Variants in DICER1 observed in about 807,000 individuals in gnomAD.
DICER1 encodes dicer 1, ribonuclease III.
DICER1 carries 43 observed loss-of-function variants against 194.1 expected under a neutral mutation model. The ratio of observed to expected loss-of-function variants is 0.22; its 90% CI spans 0.17 to 0.29. DICER1 has a LOEUF of 0.29. Among genes scored for constraint, DICER1 ranks in the 10% least tolerant of loss-of-function variants. The pLI is 1.00. For synonymous variants in DICER1, 832 were observed against 820.5 expected, an observed-to-expected ratio of 1.01 and a Z score of -0.24; for missense variants, 1,608 against 2,317.0, an observed-to-expected ratio of 0.69 and a Z score of 6.28.
chr14:95,110,492 CAT>C (rs1468557742), intron 14 of DICER1, among the ~76,000 whole-genome samples: 2 of 152,174 alleles, frequency 1.3e-5, no homozygotes, highest in African/African-American at 4.8e-5. Flanking sequence ...GCCAACCCCA[CAT>C]AGAGACAGTG....
rs1060503649 is a variant in DICER1 at position 95,107,674 on chromosome 14, T to C, written c.2738A>G (p.Lys913Arg). The C allele has an allele frequency of 6.2e-7, 1 of 1,613,418 alleles. No homozygotes were observed. Reference protein sequence around the residue: ...SEARIGIPSTKYTKETPFVFK... With the variant: ...SEARIGIPSTRYTKETPFVFK... Reference sequence around the variant, plus strand: ...AACAAAGGGTGTTTCTTTTGTATACTTTGTACTGGGAATGCCTATGCGAGC... The same window carrying C: ...AACAAAGGGTGTTTCTTTTGTATACCTTGTACTGGGAATGCCTATGCGAGC... Residue 913 changes from lysine to arginine, a missense_variant, in exon 17 of 27, where the codon AAG becomes AGG. By Grantham distance (26) the Lys-to-Arg change is conservative. Transcript: ENST00000343455.
chr14:95,150,484 T>C (rs1037423383), intron 1 of DICER1, among the ~76,000 whole-genome samples: 1 of 152,162 alleles, frequency 6.6e-6, no homozygotes, highest in Non-Finnish European at 1.5e-5. Context: ...AGACTCAGCA[T>C]TAACAACAAC....
intron 8 of DICER1, among the ~76,000 whole-genome samples, chr14:95,120,336 C>T (rs1049937583): frequency 1.3e-5 from 2 of 152,200 alleles, no homozygotes; most frequent in African/African-American, 4.8e-5. Context: ...GAATTAGCAT[C>T]TACTGTGTGC....
chr14:95,097,302 C>CA (rs898177797), intron 22 of DICER1, among the ~76,000 whole-genome samples: 1 of 151,978 alleles, frequency 6.6e-6, no homozygotes, highest in African/African-American at 2.4e-5. Flanking sequence ...ATACTTGCCA[C>CA]AAAAAAACTA....
chr14:95,132,255 T>C (rs189149089), intron 3 of DICER1, among the ~76,000 whole-genome samples: 61 of 152,284 alleles, frequency 4.0e-4, no homozygotes, highest in African/African-American at 1.4e-3. Context: ...TGTAACAACT[T>C]AGATTATGTT....
In DICER1 at chr14:95,130,120, G is replaced by C; in HGVS notation, c.511C>G (p.Leu171Val). 6.2e-7 allele frequency: 1 copy of C among 1,613,374 alleles called. No homozygotes were observed. Among genetic ancestry groups the C allele is most frequent in the Non-Finnish European group, 8.5e-7 (1 of 1,179,612 alleles). ...NGYLSLSDIN[L>V]LVFDECHLAI... ...AGATGACACTCATCAAACACCAAAA[G>C]GTTAATGTCTGACAGTGATAAGTAA... Residue 171 changes from leucine (L) to valine (V), a missense_variant, in exon 5 of 27, where the codon CTT becomes GTT. This residue lies in a region of DICER1 where 657 missense variants were observed against 910.1 expected (regional missense o/e 0.72). Transcript: ENST00000343455.
chr14:95,090,444 TTTCCCC>T lies in DICER1; in HGVS notation c.*48_*53del. 2.5e-6 allele frequency: 4 copies of T among 1,589,722 alleles called. No individual in the cohort carries two copies. The highest frequency in any genetic ancestry group is 3.4e-6 in the Non-Finnish European group (4 of 1,159,758). On this transcript the variant is annotated 3_prime_UTR_variant, in exon 27 of 27. Coordinates refer to ENST00000343455, the MANE Select transcript of DICER1 (RefSeq NM_177438.3). ...AGTCTTCCTTTCCGATTTAAATAAT[TTTCCCC>T]TTAATTTTTTTTGTTTTGTTTCTTG...
In DICER1 at chr14:95,086,234, G is replaced by C. The variant is rs1486182632; in HGVS notation, c.*4264C>G. On this transcript the variant is annotated 3_prime_UTR_variant, in exon 27 of 27. Coordinates refer to ENST00000343455, the MANE Select transcript of DICER1 (RefSeq NM_177438.3). Reference sequence around the variant, plus strand: ...AAGATGAAAGGACACAAAGTGAACAGACGATAACTTTATTGGAGATTTACT... The same window carrying C: ...AAGATGAAAGGACACAAAGTGAACACACGATAACTTTATTGGAGATTTACT... 2 of 231,762 alleles carry C rather than the reference G, an allele frequency of 8.6e-6. No individual in the cohort carries two copies. Among genetic ancestry groups the C allele is most frequent in the African/African-American group, 4.4e-5 (2 of 45,234 alleles). 14.4% of individuals were successfully genotyped at this position (231,762 alleles called of 1,614,324 possible). A position where few individuals can be genotyped will look rare whatever the true frequency, so the allele number is the denominator to read the frequency against.
rs1379252410 is a variant in DICER1, at chr14:95,088,258, T to C, written c.*2240A>G. On this transcript the variant is annotated 3_prime_UTR_variant, in exon 27 of 27. Transcript: ENST00000343455. ...CATCTTAGTATTAACAAAAAAATAC[T>C]CTTCTTAAGGTTACAAATATATTGA... 4.3e-6 allele frequency: 1 copy of C among 232,166 alleles called. No homozygotes were observed. Among genetic ancestry groups the C allele is most frequent in the South Asian group, 1.8e-4 (1 of 5,512 alleles). 14.4% of individuals were successfully genotyped at this position (232,166 alleles called of 1,614,324 possible).
chr14:95,123,505 C>G lies in DICER1; in HGVS notation c.1376+691G>C, dbSNP rs537387505. Among the ~76,000 whole-genome samples, 229 of 152,350 alleles carry G rather than the reference C, an allele frequency of 1.5e-3. 1 individual carries two copies. The highest frequency in any genetic ancestry group is 5.3e-3 in the African/African-American group (221 of 41,584). Reference sequence around the variant, plus strand: ...TGGTGCCATCTCAGCTCACTGCAACCTCTGCCTCCCAGGCTCAACTCATCT... The same window carrying G: ...TGGTGCCATCTCAGCTCACTGCAACGTCTGCCTCCCAGGCTCAACTCATCT... On this transcript the variant is annotated intron_variant, in intron 8 of 26. Transcript: ENST00000343455.
chr14:95,088,164 A>C lies in DICER1; in HGVS notation c.*2334T>G. 1 of 232,874 alleles carries C rather than the reference A, an allele frequency of 4.3e-6. No individual in the cohort carries two copies. Among genetic ancestry groups the C allele is most frequent in the Non-Finnish European group, 8.5e-6 (1 of 117,566 alleles). 14.4% of individuals were successfully genotyped at this position (232,874 alleles called of 1,614,324 possible). On this transcript the variant is annotated 3_prime_UTR_variant, in exon 27 of 27. Coordinates refer to ENST00000343455, the MANE Select transcript of DICER1 (RefSeq NM_177438.3). ...AAACGGCTGAAGTTTGCTGTTGATA[A>C]AACATTTGAATGGTAGAAGGAAATT...
intron 14 of DICER1, among the ~76,000 whole-genome samples, chr14:95,109,238 T>G (rs1891736867): frequency 6.6e-6 from 1 of 152,212 alleles, no homozygotes; most frequent in Non-Finnish European, 1.5e-5. Context: ...ATTAACACAA[T>G]CCTTCAGATT....
rs1060504978 is a variant in DICER1, at chr14:95,096,593, G to A, written c.4327C>T (p.Leu1443=). Residue 1443 remains leucine, a synonymous_variant, in exon 23 of 27, where the codon CTG becomes TTG. Transcript: ENST00000343455. Reference sequence around the variant, plus strand: ...CTGATATGTTCCTGATCATACTCCAGGAAATCATCTTCATAGTCAGCCTCT... The same window carrying A: ...CTGATATGTTCCTGATCATACTCCAAGAAATCATCTTCATAGTCAGCCTCT... ...KEEADYEDDF[L]EYDQEHIRFI... 2.5e-6 allele frequency: 4 copies of A among 1,611,780 alleles called. No individual in the cohort carries two copies. The highest frequency in any genetic ancestry group is 2.5e-6 in the Non-Finnish European group (3 of 1,178,598).
intron 8 of DICER1, among the ~76,000 whole-genome samples, chr14:95,123,205 G>T (rs1893096519): frequency 6.6e-6 from 1 of 152,126 alleles, no homozygotes; most frequent in South Asian, 2.1e-4. Context: ...CTGAAGTATA[G>T]CTCCCTGGCT....
Position 95,103,730 on chromosome 14 carries a change from T to C in DICER1, c.3666A>G (p.Leu1222=), listed in dbSNP as rs770573120. ...QPTTSYSIQN[L]YSYENQPQPS... Reference sequence around the variant, plus strand: ...GCTGGGGCTGGTTCTCGTAACTGTATAAATTCTGAATGGAATATGAGGTAG... The same window carrying C: ...GCTGGGGCTGGTTCTCGTAACTGTACAAATTCTGAATGGAATATGAGGTAG... The change falls in exon 21 of 27, where the codon TTA becomes TTG. Residue 1222 remains leucine, a synonymous_variant. Coordinates refer to ENST00000343455, the MANE Select transcript of DICER1 (RefSeq NM_177438.3). 5 of 1,614,226 alleles carry C rather than the reference T, an allele frequency of 3.1e-6. No homozygotes were observed. Among genetic ancestry groups the C allele is most frequent in the African/African-American group, 1.3e-5 (1 of 75,060 alleles).
chr14:95,108,905 A>T (rs73329782), intron 14 of DICER1, among the ~76,000 whole-genome samples: 5,055 of 152,290 alleles, frequency 0.033, 293 homozygotes, highest in African/African-American at 0.12. Flanking sequence ...GCAAATTTTT[A>T]AAAAATCACA....
chr14:95,157,157 G>C (rs1215574725), intron 1 of DICER1, 73 bp downstream of exon 1: 1 of 149,790 alleles, frequency 6.7e-6, no homozygotes, highest in Non-Finnish European at 1.5e-5. Flanking sequence ...GCCTCCGCGC[G>C]GAGGCGGGAG....
chr14:95,117,143 A>T (rs1892545887), intron 9 of DICER1, among the ~76,000 whole-genome samples: 2 of 152,152 alleles, frequency 1.3e-5, no homozygotes, highest in Admixed American at 1.3e-4. Flanking sequence ...TGTTTCCTGT[A>T]TTAAGACCTT....
intron 1 of DICER1, among the ~76,000 whole-genome samples, 177 bp downstream of exon 1, chr14:95,157,053 G>C (rs1437348044): frequency 6.6e-6 from 1 of 151,728 alleles, no homozygotes. Flanking sequence ...TCCACAGGCC[G>C]CGCTGTGCGG....
Sources: allele counts gnomAD v4.1 joint callset (sites outside exome capture counted in the v4.1 genomes callset), GRCh38; gene constraint gnomAD v4.1.1; regional missense constraint gnomAD v4.1.1; transcripts MANE v1.5; gene names NCBI Gene and HGNC (gene_info 2026-07-23, HGNC 2026-07-21).